The following PGR variants were observed in gnomAD, a reference collection of about 807,000 sequenced individuals.
PGR encodes nuclear receptor subfamily 3 group C member 3.
PGR carries 25 observed loss-of-function variants against 76.1 expected under a neutral mutation model. That is an observed-to-expected ratio of 0.33 (90% CI 0.24 to 0.46). PGR has a LOEUF of 0.46. Ranked by LOEUF, PGR falls within the 20% of genes least tolerant of loss-of-function variation. PGR has a pLI of 1.00. For synonymous variants in PGR, 579 were observed against 535.0 expected, an observed-to-expected ratio of 1.08 and a Z score of -1.14; for missense variants, 1,172 against 1,225.3, an observed-to-expected ratio of 0.96 and a Z score of 0.65.
chr11:101,112,413 A>T (rs1470675297), intron 2 of PGR, among the ~76,000 whole-genome samples: 1 of 152,158 alleles, frequency 6.6e-6, no homozygotes, highest in Non-Finnish European at 1.5e-5. Flanking sequence ...AGTAATCTGG[A>T]TCTAGTGGTC....
At chr11:101,075,539 C>T (rs769088014) in intron 3 of PGR, among the ~76,000 whole-genome samples, 78 of 150,108 alleles carry the variant, frequency 5.2e-4, no homozygotes, top group South Asian at 3.4e-3. Flanking sequence ...AGGCAACCTA[C>T]AGAATGGGAG....
At chr11:101,051,121 A>C (rs1412592985) in intron 5 of PGR, among the ~76,000 whole-genome samples, 2 of 152,076 alleles carry the variant, frequency 1.3e-5, no homozygotes, top group Non-Finnish European at 2.9e-5. Flanking sequence ...CAGTAACAAA[A>C]ATATTTCTCA....
intron 7 of PGR, chr11:101,041,549 T>C (rs1292755554): frequency 5.4e-6 from 1 of 183,840 alleles, no homozygotes; most frequent in African/African-American, 2.4e-5. Flanking sequence ...TATTGCCTGA[T>C]TGCCCACCCA....
chr11:101,076,919 A>ATTTTTTTTTTTTTT (rs59106149), intron 3 of PGR, among the ~76,000 whole-genome samples: 1 of 65,132 alleles, frequency 1.5e-5, no homozygotes, highest in Non-Finnish European at 3.3e-5. Flanking sequence ...TACAAATGGA[A>ATTTTTTTTTTTTTT]TTTTTTTTTT....
In PGR at chr11:101,124,018, A is replaced by G. The variant is rs34445416; in HGVS notation, c.1789+1989T>C. Among the ~76,000 whole-genome samples, 23 of 152,340 alleles carry G rather than the reference A, an allele frequency of 1.5e-4. No individual in the cohort carries two copies. In the East Asian group the frequency reaches 4.4e-3, roughly 29 times the overall value. The stretch of plus-strand genomic sequence containing the variant: ...ATCCTCATTTTATCTCAAGGCAGAG[A>G]AAAGTGAAGTCAGGGAAAGTGTATC... On this transcript the variant is annotated intron_variant, in intron 2 of 7. Coordinates refer to ENST00000325455, the MANE Select transcript of PGR (RefSeq NM_000926.4).
chr11:101,054,838 T>G (rs1364645210), intron 4 of PGR, among the ~76,000 whole-genome samples: 1 of 152,200 alleles, frequency 6.6e-6, no homozygotes, highest in Non-Finnish European at 1.5e-5. Flanking sequence ...AGATATTTAT[T>G]ATTGGTCTAT....
chr11:101,053,769 T>C (rs1324052151), intron 4 of PGR, among the ~76,000 whole-genome samples: 1 of 148,740 alleles, frequency 6.7e-6, no homozygotes, highest in Non-Finnish European at 1.5e-5. Context: ...CCTCCCTCAC[T>C]GCTCCCTAAT....
intron 2 of PGR, among the ~76,000 whole-genome samples, chr11:101,118,875 C>A (rs1359012277): frequency 1.3e-5 from 2 of 152,172 alleles, no homozygotes; most frequent in African/African-American, 2.4e-5. Context: ...GAGTATGTGA[C>A]TTTCTGATGT....
chr11:101,059,863 A>AG (rs769273804), intron 4 of PGR, among the ~76,000 whole-genome samples: 10,497 of 138,844 alleles, frequency 0.076, 520 homozygotes, highest in Non-Finnish European at 0.12. Flanking sequence ...AAAAAAAAAG[A>AG]AAAAAAAGAA....
intron 3 of PGR, among the ~76,000 whole-genome samples, chr11:101,082,192 A>G (rs1861335405): frequency 6.6e-6 from 1 of 152,032 alleles, no homozygotes; most frequent in African/African-American, 2.4e-5. Flanking sequence ...GCCTTCCACC[A>G]TGATTGTAAG....
At position 101,129,093 on chromosome 11, in the gene PGR, C is replaced by A. The variant is rs1339811148; in HGVS notation, c.-23G>T. 3.5e-6 allele frequency: 5 copies of A among 1,423,344 alleles called. No homozygotes were observed. The highest frequency in any genetic ancestry group is 4.6e-6 in the Non-Finnish European group (5 of 1,091,076). The allele number at this position is 1,423,344 out of a possible 1,614,324, so 88.2% of individuals were successfully genotyped here. ...CATGACGACTGGACTCCCCTTTTCT[C>A]CTCCCCCGTCTCCAGGAGGAGGGAA... On this transcript the variant is annotated 5_prime_UTR_variant, in exon 1 of 8. Coordinates refer to ENST00000325455, the MANE Select transcript of PGR (RefSeq NM_000926.4).
At chr11:101,041,048 TA>T (rs765165104) in intron 7 of PGR, among the ~76,000 whole-genome samples, 1 of 123,932 alleles carries the variant, frequency 8.1e-6, no homozygotes, top group Non-Finnish European at 2.0e-5. Flanking sequence ...ATGTCTGTTT[TA>T]AAAATGTTTT....
intron 2 of PGR, among the ~76,000 whole-genome samples, chr11:101,116,387 G>A (rs1307632736): frequency 6.6e-6 from 1 of 152,220 alleles, no homozygotes; most frequent in Admixed American, 6.5e-5. Flanking sequence ...CGGGGCCAGT[G>A]TGGAGGAAAG....
chr11:101,056,493 G>A (rs917417848), intron 4 of PGR, among the ~76,000 whole-genome samples: 4 of 151,954 alleles, frequency 2.6e-5, no homozygotes, highest in African/African-American at 9.7e-5. Context: ...TCCAGGTGTG[G>A]TGGTGCACAC....
In PGR at chr11:101,039,398, C is replaced by T. The variant is rs1343085218; in HGVS notation, c.2647-127G>A. ...TACTTCTCAAGGTGTTTTTTTCTTA[C>T]CATAGTGAAAATAACTCCCACCATT... On this transcript the variant is annotated intron_variant, in intron 7 of 7. Transcript: ENST00000325455. 7 of 740,736 alleles carry T rather than the reference C, an allele frequency of 9.5e-6. No homozygotes were observed. In the Admixed American group the frequency reaches 1.6e-4, roughly 17 times the overall value. 45.9% of individuals were successfully genotyped at this position (740,736 alleles called of 1,614,324 possible).
At chr11:101,106,901 T>A (rs975077995) in intron 2 of PGR, among the ~76,000 whole-genome samples, 2 of 152,168 alleles carry the variant, frequency 1.3e-5, no homozygotes, top group Admixed American at 1.3e-4. Flanking sequence ...AAGAATGAGT[T>A]CATGTTCTTC....
In PGR at chr11:101,085,525, T is replaced by TAAAAAAAAAAAAAAAAAAA. The variant is rs1212568882; in HGVS notation, c.1906+6216_1906+6234dup. Among the ~76,000 whole-genome samples the TAAAAAAAAAAAAAAAAAAA allele has an allele frequency of 8.5e-4, 36 of 42,274 alleles. 1 individual carries two copies. The highest frequency in any genetic ancestry group is 9.7e-4 in the Non-Finnish European group (25 of 25,754). 27.7% of individuals were successfully genotyped at this position (42,274 alleles called of 152,430 possible). On this transcript the variant is annotated intron_variant, in intron 3 of 7. Coordinates refer to ENST00000325455, the MANE Select transcript of PGR (RefSeq NM_000926.4). ...GACCTAACATCACACCTAGAGGAACTAAAAAAAAAAAAAAAAAAAAAAAAA... is the reference window on the plus strand; with the variant it reads ...GACCTAACATCACACCTAGAGGAACTAAAAAAAAAAAAAAAAAAAAAAAAAAAAAAAAAAAAAAAAAAAA...
intron 2 of PGR, among the ~76,000 whole-genome samples, chr11:101,099,433 T>G (rs1178318739): frequency 6.6e-6 from 1 of 152,220 alleles, no homozygotes; most frequent in Non-Finnish European, 1.5e-5. Context: ...ATGGAGCTTC[T>G]GGGAACCTAA....
intron 2 of PGR, among the ~76,000 whole-genome samples, chr11:101,114,412 A>AT: frequency 6.6e-6 from 1 of 152,204 alleles, no homozygotes; most frequent in Non-Finnish European, 1.5e-5. Flanking sequence ...CTCAATTCTC[A>AT]TAAGTTATTT....
Sources: allele counts gnomAD v4.1 joint callset (sites outside exome capture counted in the v4.1 genomes callset), GRCh38; gene constraint gnomAD v4.1.1; transcripts MANE v1.5; gene names NCBI Gene and HGNC (gene_info 2026-07-23, HGNC 2026-07-21).